The following PTGFRN variants were observed in gnomAD, a reference collection of about 807,000 sequenced individuals.
PTGFRN encodes the protein prostaglandin F2 receptor inhibitor, also known as prostaglandin F2 receptor negative regulator.
A neutral mutation model predicts 83.2 loss-of-function variants in PTGFRN; 35 were observed. The observed-to-expected ratio is 0.42, with a 90% CI of 0.32 to 0.56. The LOEUF (loss-of-function observed/expected upper bound fraction) is 0.56. Ranked by LOEUF, PTGFRN falls within the 20% of genes least tolerant of loss-of-function variation. The pLI, the probability that PTGFRN is intolerant of heterozygous loss-of-function variation, is 0.11. For synonymous variants in PTGFRN, 519 were observed against 498.6 expected (o/e 1.04, Z -0.55); for missense variants, 1,051 against 1,179.5 (o/e 0.89, Z 1.60).
intron 2 of PTGFRN, among the ~76,000 whole-genome samples, chr1:116,943,797 C>T (rs1242180473): frequency 6.6e-6 from 1 of 152,014 alleles, no homozygotes; most frequent in East Asian, 1.9e-4. Flanking sequence ...ATAGCCCCTT[C>T]TCAAGGACAC....
At chr1:116,937,568 T>C (rs1035850207) in intron 1 of PTGFRN, among the ~76,000 whole-genome samples, 2 of 152,172 alleles carry the variant, frequency 1.3e-5, no homozygotes, top group Non-Finnish European at 2.9e-5. Flanking sequence ...GTGGAAAATA[T>C]GATTTTGGCA....
Position 116,961,111 on chromosome 1 carries a change from C to T in PTGFRN, c.1214-132C>T. On this transcript the variant is annotated intron_variant, in intron 4 of 8. Coordinates refer to ENST00000393203, the MANE Select transcript of PTGFRN (RefSeq NM_020440.4). This position sits in a 1 kb window ranked among gnomAD's most constrained non-coding sequence, Gnocchi z 5.4. ...TCCTATCCAATGCAACGACTGATTT[C>T]TGTCTCTCTAGTCCGGCAGGAGAAG... The T allele has an allele frequency of 9.8e-7, 1 of 1,015,778 alleles. No homozygotes were observed. Among genetic ancestry groups the T allele is most frequent in the Non-Finnish European group, 1.3e-6 (1 of 743,094 alleles). The allele number at this position is 1,015,778 out of a possible 1,614,324, so 62.9% of individuals were successfully genotyped here.
At chr1:116,928,520 T>C (rs1557959654) in intron 1 of PTGFRN, among the ~76,000 whole-genome samples, 1 of 152,198 alleles carries the variant, frequency 6.6e-6, no homozygotes, top group Non-Finnish European at 1.5e-5. Flanking sequence ...TGTATTACAT[T>C]TCAGTAATTC....
At chr1:116,910,614 G>A (rs1251441678) in intron 1 of PTGFRN, among the ~76,000 whole-genome samples, 1 of 151,974 alleles carries the variant, frequency 6.6e-6, no homozygotes, top group Admixed American at 6.5e-5. Flanking sequence ...AAGGTGCTGC[G>A]GTCCCGGCCC....
Position 116,923,580 on chromosome 1 carries a change from G to A in PTGFRN, c.49+13328G>A, listed in dbSNP as rs17036540. ...TTCCCTTTGCAGGATTGATACAACCGTTTCCACCCCAGAATGGCATAGGCT... is the reference window on the plus strand; with the variant it reads ...TTCCCTTTGCAGGATTGATACAACCATTTCCACCCCAGAATGGCATAGGCT... On this transcript the variant is annotated intron_variant, in intron 1 of 8. Transcript: ENST00000393203. This position sits in a 1 kb window ranked among gnomAD's most constrained non-coding sequence, Gnocchi z 4.0. Among the ~76,000 whole-genome samples the A allele has an allele frequency of 0.017, 2,546 of 152,156 alleles. 72 individuals are homozygous for A. Among genetic ancestry groups the A allele is most frequent in the African/African-American group, 0.058 (2,423 of 41,484 alleles).
chr1:116,978,625 A>C (rs981578117), intron 7 of PTGFRN, among the ~76,000 whole-genome samples: 7 of 152,222 alleles, frequency 4.6e-5, no homozygotes, highest in African/African-American at 1.7e-4. Flanking sequence ...CAAAAACCAC[A>C]TGATTATCTC....
At chr1:116,957,745 T>C (rs980125145) in intron 4 of PTGFRN, among the ~76,000 whole-genome samples, 3 of 152,218 alleles carry the variant, frequency 2.0e-5, no homozygotes, top group Non-Finnish European at 4.4e-5. Flanking sequence ...AACTGAAATT[T>C]TGCGTCCTTT....
intron 6 of PTGFRN, among the ~76,000 whole-genome samples, chr1:116,971,363 T>G (rs10801918): frequency 0.15 from 22,332 of 152,222 alleles, 1,958 homozygotes; most frequent in Middle Eastern, 0.24. Context: ...ACAGCTTTTT[T>G]TAGAGGCCAA....
intron 1 of PTGFRN, among the ~76,000 whole-genome samples, chr1:116,922,285 C>T (rs1161275010): frequency 3.3e-5 from 5 of 151,964 alleles, no homozygotes; most frequent in African/African-American, 1.2e-4. Context: ...TACTGATGTT[C>T]CCCCCAGATA....
At chr1:116,968,540 C>T (rs1650904704) in intron 6 of PTGFRN, among the ~76,000 whole-genome samples, 1 of 152,024 alleles carries the variant, frequency 6.6e-6, no homozygotes, top group African/African-American at 2.4e-5. Flanking sequence ...TTAATAGCAG[C>T]TTTATTGAGA....
chr1:116,921,709 A>G (rs1220177929), intron 1 of PTGFRN, among the ~76,000 whole-genome samples: 1 of 152,186 alleles, frequency 6.6e-6, no homozygotes, highest in Non-Finnish European at 1.5e-5. Flanking sequence ...TACAAAGTCC[A>G]AAATGGAATG....
chr1:116,919,693 C>T (rs1457972991), intron 1 of PTGFRN, among the ~76,000 whole-genome samples: 1 of 152,236 alleles, frequency 6.6e-6, no homozygotes, highest in Non-Finnish European at 1.5e-5. Flanking sequence ...ACTTGGGATT[C>T]AAACCCAGGT....
At chr1:116,940,929 G>A (rs1366097550) in intron 1 of PTGFRN, among the ~76,000 whole-genome samples, 1 of 152,204 alleles carries the variant, frequency 6.6e-6, no homozygotes, top group African/African-American at 2.4e-5. Flanking sequence ...CAGTTGTAGG[G>A]TCCCTACCAG....
intron 2 of PTGFRN, among the ~76,000 whole-genome samples, chr1:116,942,678 T>A (rs1490322755): frequency 6.6e-6 from 1 of 152,242 alleles, no homozygotes; most frequent in Non-Finnish European, 1.5e-5. Context: ...TTGTACCAGA[T>A]GTTTTATGTG....
At chr1:116,953,983 G>T (rs1308948869) in intron 4 of PTGFRN, among the ~76,000 whole-genome samples, 1 of 151,466 alleles carries the variant, frequency 6.6e-6, no homozygotes, top group African/African-American at 2.4e-5. Context: ...CTCCCAAGTA[G>T]CTGGGACTAC....
At chr1:116,920,843 C>T (rs571872105) in intron 1 of PTGFRN, among the ~76,000 whole-genome samples, 130 of 152,198 alleles carry the variant, frequency 8.5e-4, no homozygotes, top group Admixed American at 2.7e-3. Flanking sequence ...AGGCTGGTCT[C>T]GAACTCCTGG....
At position 116,923,686 on chromosome 1, in the gene PTGFRN, G is replaced by C. The variant is rs1054557821; in HGVS notation, c.49+13434G>C. Among the ~76,000 whole-genome samples, 2 of 152,076 alleles carry C rather than the reference G, an allele frequency of 1.3e-5. No homozygotes were observed. The highest frequency in any genetic ancestry group is 4.8e-5 in the African/African-American group (2 of 41,388). ...TCCCAGTGTATGCGTCGAGTGCCTC[G>C]TGGCTGGGTTCATTCAAACCATGGA... On this transcript the variant is annotated intron_variant, in intron 1 of 8. Transcript: ENST00000393203. This position sits in a 1 kb window ranked among gnomAD's most constrained non-coding sequence, Gnocchi z 4.0.
At chr1:116,927,152 C>G (rs1649679008) in intron 1 of PTGFRN, among the ~76,000 whole-genome samples, 1 of 152,144 alleles carries the variant, frequency 6.6e-6, no homozygotes, top group Non-Finnish European at 1.5e-5. Context: ...CCCACACTGC[C>G]TTTAACCACG....
At chr1:116,960,125 A>C (rs1411398492) in intron 4 of PTGFRN, among the ~76,000 whole-genome samples, 3 of 152,240 alleles carry the variant, frequency 2.0e-5, no homozygotes, top group African/African-American at 7.2e-5. Context: ...GGAGTGGGCT[A>C]ACTGGCATAC....
Sources: gnomAD v4.1 joint callset for allele counts (sites outside exome capture counted in the v4.1 genomes callset) on GRCh38, gnomAD v4.1.1 for gene constraint, Gnocchi (gnomAD v3.1) non-coding constraint, MANE v1.5 for transcripts, NCBI Gene and HGNC (gene_info 2026-07-23, HGNC 2026-07-21) for gene names.